Variants in CTNNA3 observed in about 807,000 individuals in gnomAD.
CTNNA3 encodes the protein catenin alpha-3.
In CTNNA3, 76 loss-of-function variants were observed where a neutral mutation model predicts 95.7. The ratio of observed to expected loss-of-function variants is 0.79; its 90% CI spans 0.66 to 0.96. CTNNA3 has a LOEUF of 0.96. CTNNA3 is among the 40% of genes least tolerant of loss of function. The probability of loss-of-function intolerance (pLI) is 0.00; values close to 1 mark genes in which losing one functional copy is unlikely to be tolerated. For missense variants in CTNNA3, 1,191 were observed against 1,089.8 expected (o/e 1.09, Z -1.31); for synonymous variants, 431 against 374.4 (o/e 1.15, Z -1.74).
chr10:66,074,873 A>G (rs1182267091), intron 14 of CTNNA3, among the ~76,000 whole-genome samples: 1 of 151,900 alleles, frequency 6.6e-6, no homozygotes, highest in Non-Finnish European at 1.5e-5. Context: ...AAGTCCTCTT[A>G]AAGTAGGAAC....
intron 5 of CTNNA3, among the ~76,000 whole-genome samples, chr10:67,286,673 T>C (rs927265077): frequency 6.6e-6 from 1 of 152,182 alleles, no homozygotes; most frequent in East Asian, 1.9e-4. Flanking sequence ...ACCTAATTTT[T>C]CTCCTGTTGT....
At chr10:67,271,714 A>G (rs1302823172) in intron 5 of CTNNA3, among the ~76,000 whole-genome samples, 1 of 152,164 alleles carries the variant, frequency 6.6e-6, no homozygotes, top group Non-Finnish European at 1.5e-5. Context: ...AATGCCAGGG[A>G]AAAAAATAAT....
intron 7 of CTNNA3, among the ~76,000 whole-genome samples, chr10:67,079,898 CACACACACACAA>C (rs1856960841): frequency 8.7e-6 from 1 of 115,522 alleles, no homozygotes; most frequent in Non-Finnish European, 1.9e-5. Context: ...CACACACACA[CACACACACACAA>C]AGATAGTCAC....
intron 12 of CTNNA3, among the ~76,000 whole-genome samples, chr10:66,326,832 C>T (rs1218584861): frequency 5.3e-5 from 8 of 151,938 alleles, no homozygotes; most frequent in Non-Finnish European, 8.8e-5. Flanking sequence ...TTTCATATTT[C>T]ATTCATTCAG....
chr10:67,654,435 T>C (rs989325169), intron 1 of CTNNA3, among the ~76,000 whole-genome samples: 3 of 152,008 alleles, frequency 2.0e-5, no homozygotes, highest in African/African-American at 7.2e-5. Context: ...GTTTCCTCAA[T>C]ATGCCAAGAT....
intron 5 of CTNNA3, among the ~76,000 whole-genome samples, chr10:67,305,653 T>G (rs927813924): frequency 6.6e-6 from 1 of 151,880 alleles, no homozygotes; most frequent in Non-Finnish European, 1.5e-5. Flanking sequence ...AGTGGGGAGA[T>G]AAGTTAGGAT....
chr10:66,416,944 G>A (rs2093151426), intron 11 of CTNNA3, among the ~76,000 whole-genome samples: 1 of 151,950 alleles, frequency 6.6e-6, no homozygotes, highest in African/African-American at 2.4e-5. Flanking sequence ...ACTACCAACT[G>A]CAATGACAGA....
intron 12 of CTNNA3, among the ~76,000 whole-genome samples, chr10:66,296,398 AC>A (rs1046952197): frequency 6.6e-6 from 1 of 152,162 alleles, no homozygotes; most frequent in African/African-American, 2.4e-5. Flanking sequence ...AGTCTTCTAA[AC>A]AAAAGCACGA....
chr10:66,129,287 A>G (rs1461608755), intron 13 of CTNNA3, among the ~76,000 whole-genome samples: 1 of 152,030 alleles, frequency 6.6e-6, no homozygotes, highest in East Asian at 1.9e-4. Flanking sequence ...CAAACAAAAA[A>G]CTTCTATTAA....
intron 17 of CTNNA3, among the ~76,000 whole-genome samples, chr10:65,947,478 G>A (rs1394850224): frequency 4.6e-5 from 7 of 152,082 alleles, no homozygotes; most frequent in Admixed American, 4.6e-4. Flanking sequence ...GCTACATGCT[G>A]GACACTAGGC....
At chr10:67,002,924 C>T (rs1031368790) in intron 7 of CTNNA3, among the ~76,000 whole-genome samples, 4 of 152,254 alleles carry the variant, frequency 2.6e-5, no homozygotes, top group African/African-American at 9.6e-5. Flanking sequence ...TACCAAGGCT[C>T]AAGTTTTCAT....
At chr10:67,726,480 ATTATATC>A in intron 1 of CTNNA3, among the ~76,000 whole-genome samples, 1 of 68,274 alleles carries the variant, frequency 1.5e-5, no homozygotes, top group African/African-American at 6.3e-5. Context: ...AATATTATAT[ATTATATC>A]ATATACAATA....
At chr10:67,215,246 T>C (rs1451724288) in intron 6 of CTNNA3, among the ~76,000 whole-genome samples, 1 of 152,102 alleles carries the variant, frequency 6.6e-6, no homozygotes, top group Non-Finnish European at 1.5e-5. Context: ...GCCTGGTCAA[T>C]TTTGACAGTC....
At chr10:66,902,497 A>G (rs1354181775) in intron 7 of CTNNA3, among the ~76,000 whole-genome samples, 1 of 152,192 alleles carries the variant, frequency 6.6e-6, no homozygotes, top group Admixed American at 6.5e-5. Flanking sequence ...AAACAAATTC[A>G]AAAGCTAGCA....
chr10:65,957,055 T>C (rs1445379415), intron 17 of CTNNA3, among the ~76,000 whole-genome samples: 2 of 152,184 alleles, frequency 1.3e-5, no homozygotes, highest in Non-Finnish European at 2.9e-5. Context: ...GGACTTGCTT[T>C]ATGAGTCTGG....
chr10:66,668,782 A>G lies in CTNNA3; in HGVS notation c.1282-46998T>C, dbSNP rs564104431. On this transcript the variant is annotated intron_variant, in intron 9 of 17. Coordinates refer to ENST00000433211, the MANE Select transcript of CTNNA3 (RefSeq NM_013266.4). ...AGCTGAGATGGCACCACTGCACTCCAGCCTGGGCGACAGAGTCAGACCCTG... is the reference window on the plus strand; with the variant it reads ...AGCTGAGATGGCACCACTGCACTCCGGCCTGGGCGACAGAGTCAGACCCTG... Among the ~76,000 whole-genome samples, 6 of 152,218 alleles carry G rather than the reference A, an allele frequency of 3.9e-5. No homozygotes were observed. In the South Asian group the frequency reaches 8.3e-4, roughly 21 times the overall value.
intron 17 of CTNNA3, among the ~76,000 whole-genome samples, chr10:65,922,841 T>C (rs1175792304): frequency 6.6e-6 from 1 of 152,188 alleles, no homozygotes; most frequent in Non-Finnish European, 1.5e-5. Context: ...TTTAATTGAC[T>C]CACAGTTCTG....
At chr10:67,254,417 A>C (rs1866247934) in intron 5 of CTNNA3, among the ~76,000 whole-genome samples, 1 of 152,184 alleles carries the variant, frequency 6.6e-6, no homozygotes, top group African/African-American at 2.4e-5. Context: ...GGGAATCATT[A>C]TCACCATTCT....
chr10:66,360,144 G>A (rs10997080), intron 12 of CTNNA3, among the ~76,000 whole-genome samples: 54,897 of 151,710 alleles, frequency 0.36, 11,354 homozygotes, highest in Non-Finnish European at 0.47. Context: ...TACTAAATTT[G>A]TTCAGCATTT....
Sources: allele counts gnomAD v4.1 joint callset (sites outside exome capture counted in the v4.1 genomes callset), GRCh38; gene constraint gnomAD v4.1.1; transcripts MANE v1.5; gene names NCBI Gene and HGNC (gene_info 2026-07-23, HGNC 2026-07-21).